Variants in PNLIPRP3 observed in about 807,000 individuals in gnomAD.
The protein encoded by PNLIPRP3 is pancreatic lipase-related protein 3.
A neutral mutation model predicts 52.8 loss-of-function variants in PNLIPRP3; 58 were observed. That is an observed-to-expected ratio of 1.10 (90% confidence interval 0.89 to 1.37). The LOEUF (loss-of-function observed/expected upper bound fraction) is 1.37, where lower values mean the gene tolerates loss of function less well. PNLIPRP3 is among the 40% of genes most tolerant of loss of function. PNLIPRP3 has a pLI of 0.00. For synonymous variants in PNLIPRP3, 192 were observed against 185.0 expected, an observed-to-expected ratio of 1.04 and a Z score of -0.31; for missense variants, 593 against 561.6, an observed-to-expected ratio of 1.06 and a Z score of -0.57.
At chr10:116,452,697 G>A (rs1466932210) in intron 4 of PNLIPRP3, among the ~76,000 whole-genome samples, 7 of 152,226 alleles carry the variant, frequency 4.6e-5, no homozygotes, top group African/African-American at 1.7e-4. Flanking sequence ...GCTCTGGAGG[G>A]TGCAAGCCAT....
chr10:116,466,520 C>T (rs998386231), intron 8 of PNLIPRP3, among the ~76,000 whole-genome samples: 1 of 152,040 alleles, frequency 6.6e-6, no homozygotes, highest in Non-Finnish European at 1.5e-5. Context: ...TCAAAGATGC[C>T]CTAAGAAGGC....
intron 3 of PNLIPRP3, 100 bp downstream of exon 3, chr10:116,443,274 C>A: frequency 8.0e-7 from 1 of 1,244,042 alleles, no homozygotes; most frequent in Non-Finnish European, 1.1e-6. Flanking sequence ...GGAAATCTTC[C>A]ATTCAGTTAT....
intron 2 of PNLIPRP3, among the ~76,000 whole-genome samples, chr10:116,440,579 T>A (rs1845844115): frequency 1.3e-5 from 2 of 152,198 alleles, no homozygotes; most frequent in Non-Finnish European, 2.9e-5. Flanking sequence ...ATTGGACTCA[T>A]TTATAAACAA....
At chr10:116,474,710 C>T (rs1362834377) in intron 10 of PNLIPRP3, among the ~76,000 whole-genome samples, 1 of 152,140 alleles carries the variant, frequency 6.6e-6, no homozygotes, top group African/African-American at 2.4e-5. Context: ...AGCTCAACAT[C>T]ACTGATCATT....
chr10:116,447,813 T>C (rs953938084), intron 4 of PNLIPRP3, among the ~76,000 whole-genome samples: 9 of 152,016 alleles, frequency 5.9e-5, no homozygotes, highest in African/African-American at 2.2e-4. Flanking sequence ...GGCGCGCACC[T>C]GTAATCCCAG....
At chr10:116,431,195 A>G (rs1317647823) in intron 1 of PNLIPRP3, among the ~76,000 whole-genome samples, 6 of 151,986 alleles carry the variant, frequency 3.9e-5, no homozygotes, top group Non-Finnish European at 8.8e-5. Context: ...GCCACCACTG[A>G]CTTTTATCTA....
chr10:116,460,008 C>T (rs1384006563), intron 5 of PNLIPRP3, among the ~76,000 whole-genome samples: 2 of 152,134 alleles, frequency 1.3e-5, no homozygotes, highest in African/African-American at 4.8e-5. Context: ...CCTCGTGATC[C>T]ACCCGCCTCG....
At chr10:116,457,633 C>A (rs1846134797) in intron 5 of PNLIPRP3, among the ~76,000 whole-genome samples, 1 of 151,916 alleles carries the variant, frequency 6.6e-6, no homozygotes, top group Non-Finnish European at 1.5e-5. Context: ...ATTATGTGAC[C>A]CTTTGTGGTC....
chr10:116,474,488 A>C (rs1464368703), intron 10 of PNLIPRP3, among the ~76,000 whole-genome samples: 1 of 152,238 alleles, frequency 6.6e-6, no homozygotes, highest in African/African-American at 2.4e-5. Context: ...ACAGCAAAAC[A>C]AACTATCAAC....
chr10:116,443,013 TTTAATTA>T lies in PNLIPRP3; in HGVS notation c.205-38_205-32del, dbSNP rs1845879529. On this transcript the variant is annotated intron_variant, in intron 2 of 11. Transcript: ENST00000369230. ...TAGGTCTACTAACTATTAAATAATT[TTTAATTA>T]TTATTTTTCCTTAATCTCTTTCTGC... 3 of 1,416,606 alleles carry T rather than the reference TTTAATTA, an allele frequency of 2.1e-6. No homozygotes were observed. In the Admixed American group the frequency reaches 7.0e-5, roughly 33 times the overall value. 87.8% of individuals were successfully genotyped at this position (1,416,606 alleles called of 1,614,324 possible).
At chr10:116,428,108 C>A in intron 1 of PNLIPRP3, 47 bp downstream of exon 1, 2 of 1,302,548 alleles carry the variant, frequency 1.5e-6, no homozygotes, top group Non-Finnish European at 2.2e-6. Flanking sequence ...AATGAGTATA[C>A]TTACATCTAA....
chr10:116,475,028 C>T (rs899497607), intron 10 of PNLIPRP3, among the ~76,000 whole-genome samples: 4 of 152,186 alleles, frequency 2.6e-5, no homozygotes, highest in African/African-American at 9.7e-5. Context: ...GACATGGAAT[C>T]AACCCATGTG....
rs373615090 is a variant in PNLIPRP3, at chr10:116,461,114, T to C, written c.685+29T>C. 115 of 1,614,126 alleles carry C rather than the reference T, an allele frequency of 7.1e-5. 1 individual carries two copies. In the Middle Eastern group the frequency reaches 9.9e-4, roughly 14 times the overall value. The stretch of plus-strand genomic sequence containing the variant: ...AGTTTTAACAGAATCAGAAACTTCA[T>C]TGAAGCATAGAGGAGATTTTTAGAG... On this transcript the variant is annotated intron_variant, in intron 6 of 11. Transcript: ENST00000369230.
chr10:116,433,145 A>AAAAAAAAAAC (rs1364965512), intron 1 of PNLIPRP3, among the ~76,000 whole-genome samples: 1 of 148,788 alleles, frequency 6.7e-6, no homozygotes, highest in Non-Finnish European at 1.5e-5. Flanking sequence ...AAAAAAAAAA[A>AAAAAAAAAAC]AGTCTTGGAG....
intron 4 of PNLIPRP3, among the ~76,000 whole-genome samples, chr10:116,452,824 C>T (rs1846057391): frequency 6.6e-6 from 1 of 152,228 alleles, no homozygotes; most frequent in African/African-American, 2.4e-5. Flanking sequence ...TCTGTGTGCC[C>T]AGGCAGAAGT....
At chr10:116,455,889 C>A in intron 5 of PNLIPRP3, 59 bp downstream of exon 5, 3 of 1,218,904 alleles carry the variant, frequency 2.5e-6, no homozygotes, top group Non-Finnish European at 2.4e-6. Context: ...CACACACTAC[C>A]AAGTATCTGA....
chr10:116,444,591 G>A (rs1845916438), intron 4 of PNLIPRP3, 78 bp downstream of exon 4: 1 of 1,411,524 alleles, frequency 7.1e-7, no homozygotes, highest in Non-Finnish European at 9.9e-7. Context: ...ACAATTTAAT[G>A]TCTTTTTTTA....
At chr10:116,433,265 A>G (rs939755484) in intron 1 of PNLIPRP3, among the ~76,000 whole-genome samples, 1 of 152,128 alleles carries the variant, frequency 6.6e-6, no homozygotes, top group African/African-American at 2.4e-5. Context: ...AAAGTAAAAC[A>G]AAAATATAGA....
At chr10:116,452,418 G>A (rs894128564) in intron 4 of PNLIPRP3, among the ~76,000 whole-genome samples, 1 of 152,218 alleles carries the variant, frequency 6.6e-6, no homozygotes, top group Non-Finnish European at 1.5e-5. Context: ...GGGCTGTGGA[G>A]CAACCATTTG....
Sources: allele counts gnomAD v4.1 joint callset (sites outside exome capture counted in the v4.1 genomes callset), GRCh38; gene constraint gnomAD v4.1.1; transcripts MANE v1.5; gene names NCBI Gene and HGNC (gene_info 2026-07-23, HGNC 2026-07-21).